ATOSA: variants seen among roughly 807,000 people sequenced by gnomAD.
The protein encoded by ATOSA is atos homolog protein A.
the ATOSA span, chr15:52,677,982 G>A: frequency 1.9e-6 from 3 of 1,613,942 alleles, no homozygotes; most frequent in East Asian, 4.5e-5. Flanking sequence ...GGGGGAACAA[G>A]CCCTACTTAA....
the ATOSA span, among the ~76,000 whole-genome samples, chr15:52,632,215 T>C: frequency 6.6e-6 from 1 of 152,218 alleles, no homozygotes; most frequent in Non-Finnish European, 1.5e-5. Context: ...GAACATAAAA[T>C]ATTGACTACA....
chr15:52,678,259 C>G, the ATOSA span: 1 of 606,934 alleles, frequency 1.6e-6, no homozygotes, highest in South Asian at 2.0e-5. Context: ...AAAAGCAAAA[C>G]TCTCTGCACC....
the ATOSA span, among the ~76,000 whole-genome samples, chr15:52,670,071 T>G: frequency 6.6e-6 from 1 of 152,232 alleles, no homozygotes; most frequent in Non-Finnish European, 1.5e-5. Flanking sequence ...TTGCCTACTT[T>G]CCCTCTCCAT....
the ATOSA span, among the ~76,000 whole-genome samples, chr15:52,652,902 C>T: frequency 6.6e-6 from 1 of 152,148 alleles, no homozygotes; most frequent in Non-Finnish European, 1.5e-5. Flanking sequence ...CAGCAAAAAT[C>T]CCTCCCCAGC....
chr15:52,674,508 T>C, the ATOSA span, among the ~76,000 whole-genome samples: 1 of 152,202 alleles, frequency 6.6e-6, no homozygotes, highest in Non-Finnish European at 1.5e-5. Flanking sequence ...CACTTAAAAA[T>C]CTAATTATTC....
At chr15:52,610,835 A>C in the ATOSA span, among the ~76,000 whole-genome samples, 2 of 152,212 alleles carry the variant, frequency 1.3e-5, no homozygotes, top group African/African-American at 4.8e-5. Flanking sequence ...CAAACATAAA[A>C]ATTCAGCAGC....
At chr15:52,653,700 A>T in the ATOSA span, among the ~76,000 whole-genome samples, 3 of 152,222 alleles carry the variant, frequency 2.0e-5, no homozygotes, top group African/African-American at 7.2e-5. Context: ...GACTAGTCAC[A>T]GGCCCACTGT....
chr15:52,707,020 G>T, the ATOSA span, among the ~76,000 whole-genome samples: 1 of 152,158 alleles, frequency 6.6e-6, no homozygotes, highest in South Asian at 2.1e-4. Context: ...TGCACATTTT[G>T]AAAGGGGGAG....
At chr15:52,605,761 A>G in the ATOSA span, among the ~76,000 whole-genome samples, 1 of 152,160 alleles carries the variant, frequency 6.6e-6, no homozygotes, top group Non-Finnish European at 1.5e-5. Context: ...TTTATCATCT[A>G]GCAAACTAAT....
chr15:52,675,776 C>T, the ATOSA span, among the ~76,000 whole-genome samples: 1 of 152,092 alleles, frequency 6.6e-6, no homozygotes, highest in African/African-American at 2.4e-5. Flanking sequence ...GGCGTGGAGG[C>T]GGGCGCCTGT....
chr15:52,698,908 C>T, the ATOSA span, among the ~76,000 whole-genome samples: 3 of 152,080 alleles, frequency 2.0e-5, no homozygotes, highest in Non-Finnish European at 4.4e-5. Context: ...GCCAAATCTG[C>T]TGAAGTGGTG....
chr15:52,600,915 CCTTAATTTCTTCCACA>C, the ATOSA span, among the ~76,000 whole-genome samples: 1 of 151,802 alleles, frequency 6.6e-6, no homozygotes, highest in South Asian at 2.1e-4. Context: ...CTACTCATTG[CCTTAATTTCTTCCACA>C]CTCATCCTTA....
chr15:52,655,462 C>T, the ATOSA span, among the ~76,000 whole-genome samples: 4 of 152,102 alleles, frequency 2.6e-5, no homozygotes, highest in African/African-American at 9.7e-5. Flanking sequence ...TCACAGATCA[C>T]CTAATCCAGA....
chr15:52,622,128 G>C, the ATOSA span, among the ~76,000 whole-genome samples: 1 of 152,132 alleles, frequency 6.6e-6, no homozygotes, highest in Non-Finnish European at 1.5e-5. Flanking sequence ...TTACAGGCAT[G>C]AGCCACTGCG....
At chr15:52,612,326 T>C in the ATOSA span, among the ~76,000 whole-genome samples, 3 of 152,010 alleles carry the variant, frequency 2.0e-5, no homozygotes, top group Non-Finnish European at 4.4e-5. Context: ...GAGGAGTGTA[T>C]CTTTGCTCTA....
At chr15:52,643,518 G>A in the ATOSA span, among the ~76,000 whole-genome samples, 29,810 of 149,642 alleles carry the variant, frequency 0.2, 3,842 homozygotes, top group East Asian at 0.62. Context: ...TGAACTCCTG[G>A]GCTCAAGTGA....
the ATOSA span, among the ~76,000 whole-genome samples, chr15:52,709,543 G>C: frequency 6.6e-6 from 1 of 152,084 alleles, no homozygotes; most frequent in East Asian, 1.9e-4. Context: ...CCTTTCACTT[G>C]TATGTTCCCA....
the ATOSA span, chr15:52,658,503 C>G: frequency 2.6e-6 from 1 of 377,470 alleles, no homozygotes; most frequent in East Asian, 3.8e-5. Context: ...ACTACAGCAC[C>G]TAAGAGAGGA....
chr15:52,678,796 G>GGCCCCGGATTTCCTT, the ATOSA span: 1 of 152,702 alleles, frequency 6.5e-6, no homozygotes, highest in Non-Finnish European at 1.5e-5. Flanking sequence ...CCGTCCCGCC[G>GGCCCCGGATTTCCTT]CGGCCCCGGA....
Sources: gnomAD v4.1 joint callset for allele counts (sites outside exome capture counted in the v4.1 genomes callset) on GRCh38, gnomAD v4.1.1 for gene constraint, MANE v1.5 for transcripts, NCBI Gene and HGNC (gene_info 2026-07-23, HGNC 2026-07-21) for gene names.